MAP4K5: variants seen among roughly 807,000 people sequenced by gnomAD.
MAP4K5 encodes MAPK/ERK kinase kinase kinase 5.
MAP4K5 carries 82 observed loss-of-function variants against 135.6 expected under a neutral mutation model. The observed-to-expected ratio is 0.60, with a 90% CI of 0.51 to 0.73. The LOEUF is 0.73. Ranked by LOEUF, MAP4K5 falls within the 30% of genes least tolerant of loss-of-function variation. The probability of loss-of-function intolerance (pLI) is 0.00; values close to 1 mark genes in which losing one functional copy is unlikely to be tolerated. For synonymous variants in MAP4K5, 347 were observed against 335.0 expected (o/e 1.04, Z -0.39); for missense variants, 907 against 1,010.9 (o/e 0.90, Z 1.39).
intron 9 of MAP4K5, among the ~76,000 whole-genome samples, chr14:50,471,036 G>C (rs1350398352): frequency 6.6e-6 from 1 of 151,936 alleles, no homozygotes; most frequent in Non-Finnish European, 1.5e-5. Flanking sequence ...TTAAGTTCCA[G>C]GGTATATGTG....
At chr14:50,559,363 A>T (rs1012744878) in intron 1 of MAP4K5, 1 of 152,266 alleles carries the variant, frequency 6.6e-6, no homozygotes, top group South Asian at 2.1e-4. Context: ...TTTCCAGGTT[A>T]CTGAAAACAA....
chr14:50,465,982 G>A (rs570886905), intron 11 of MAP4K5, among the ~76,000 whole-genome samples: 3 of 152,278 alleles, frequency 2.0e-5, no homozygotes, highest in South Asian at 4.2e-4. Flanking sequence ...GCCGAGACAG[G>A]AGAATCACTC....
chr14:50,520,756 C>A (rs1486041068), intron 2 of MAP4K5, among the ~76,000 whole-genome samples: 5 of 151,388 alleles, frequency 3.3e-5, no homozygotes, highest in African/African-American at 1.2e-4. Flanking sequence ...TATGCAGCAA[C>A]CAAAAACGGG....
At chr14:50,518,510 T>C (rs1354283969) in intron 2 of MAP4K5, among the ~76,000 whole-genome samples, 1 of 152,172 alleles carries the variant, frequency 6.6e-6, no homozygotes, top group Non-Finnish European at 1.5e-5. Context: ...TCCTTAATTT[T>C]TGTGGAGCAA....
At chr14:50,516,165 T>C (rs770297775) in intron 2 of MAP4K5, among the ~76,000 whole-genome samples, 1 of 152,206 alleles carries the variant, frequency 6.6e-6, no homozygotes, top group Non-Finnish European at 1.5e-5. Flanking sequence ...TAATCCAAGC[T>C]TGTCTCCATT....
rs1417382430 is a variant in MAP4K5 at position 50,532,033 on chromosome 14, C to A, written c.17G>T (p.Arg6Leu). The A allele has an allele frequency of 1.9e-6, 3 of 1,573,922 alleles. No homozygotes were observed. The highest frequency in any genetic ancestry group is 1.7e-6 in the Non-Finnish European group (2 of 1,158,164). The change falls in exon 2 of 33, where the codon CGG (arginine) becomes CTG (leucine). Residue 6 changes from arginine to leucine, a missense_variant. Around this residue, in one of 3 missense-constraint regions of MAP4K5, gnomAD observed 196 missense variants for 189.3 expected, o/e 1.04. Transcript: ENST00000682126. MEAPLRPAADILRRNP... is the reference protein window; with the variant it reads MEAPLLPAADILRRNP... ...CCGCCTCAGGATGTCCGCGGCAGGC[C>A]GCAGCGGGGCCTCCATCTTCACTTA...
chr14:50,425,623 A>G (rs774774788), intron 31 of MAP4K5, among the ~76,000 whole-genome samples: 2 of 152,226 alleles, frequency 1.3e-5, no homozygotes, highest in Non-Finnish European at 2.9e-5. Flanking sequence ...TAAATTTAGA[A>G]AAGTTTTACA....
chr14:50,450,510 A>C lies in MAP4K5; in HGVS notation c.1016-1678T>G, dbSNP rs112079057. The C allele has an allele frequency of 3.3e-5, 5 of 152,336 alleles. 1 individual carries two copies. The highest frequency in any genetic ancestry group is 2.1e-4 in the South Asian group (1 of 4,826). 9.4% of individuals were successfully genotyped at this position (152,336 alleles called of 1,614,324 possible). A position where few individuals can be genotyped will look rare whatever the true frequency, so the allele number is the denominator to read the frequency against. ...GCCCACAGAGAAAGTAACAGTCTCAACAGGTGAACGGAACAAGGATTTGAA... is the reference window on the plus strand; with the variant it reads ...GCCCACAGAGAAAGTAACAGTCTCACCAGGTGAACGGAACAAGGATTTGAA... On this transcript the variant is annotated intron_variant, in intron 14 of 32. Coordinates refer to ENST00000682126, the MANE Select transcript of MAP4K5 (RefSeq NM_006575.6).
chr14:50,444,106 T>C (rs1381178708), intron 18 of MAP4K5, 70 bp from the exon 19 acceptor site: 3 of 1,000,282 alleles, frequency 3.0e-6, no homozygotes, highest in Non-Finnish European at 4.6e-6. Flanking sequence ...TTATTTCCCC[T>C]TTCTCCCACT....
At chr14:50,428,437 G>A (rs1438746784) in intron 30 of MAP4K5, among the ~76,000 whole-genome samples, 2 of 15,964 alleles carry the variant, frequency 1.3e-4, no homozygotes, top group Admixed American at 1.8e-3. Context: ...AGTATTTTTA[G>A]TAGAGACGGG....
intron 3 of MAP4K5, among the ~76,000 whole-genome samples, chr14:50,503,237 G>C (rs1244644764): frequency 6.6e-6 from 1 of 152,012 alleles, no homozygotes; most frequent in African/African-American, 2.4e-5. Context: ...CTGGGGCAAG[G>C]CATAAGAATA....
At chr14:50,523,776 C>T (rs1032147131) in intron 2 of MAP4K5, among the ~76,000 whole-genome samples, 4 of 152,182 alleles carry the variant, frequency 2.6e-5, no homozygotes, top group Non-Finnish European at 5.9e-5. Context: ...GCTTTGTTCA[C>T]TAGATGTATC....
In MAP4K5 at chr14:50,476,316, TAA is replaced by T. The variant is rs76595851; in HGVS notation, c.379-12_379-11del. ...GCAAATAGGCAAGACCCTAAAAGTT[TAA>T]AAAAAAAAAAAAAGAATGTATCAGC... On this transcript the variant is annotated splice_polypyrimidine_tract_variant and intron_variant, in intron 6 of 32. Transcript: ENST00000682126. 6.8e-3 allele frequency: 7,413 copies of T among 1,092,740 alleles called. No homozygotes were observed. The highest frequency in any genetic ancestry group is 0.01 in the South Asian group (462 of 45,088). The allele number at this position is 1,092,740 out of a possible 1,614,324, so 67.7% of individuals were successfully genotyped here. A position where few individuals can be genotyped will look rare whatever the true frequency, so the allele number is the denominator to read the frequency against.
chr14:50,509,306 C>G (rs2037880941), intron 2 of MAP4K5, among the ~76,000 whole-genome samples: 1 of 151,950 alleles, frequency 6.6e-6, no homozygotes, highest in Non-Finnish European at 1.5e-5. Flanking sequence ...TTTCACTGCC[C>G]CTTTTCAGAA....
At chr14:50,437,826 A>G in intron 25 of MAP4K5, 68 bp downstream of exon 25, 1 of 1,025,870 alleles carries the variant, frequency 9.7e-7, no homozygotes. Flanking sequence ...CTGGGCAAGA[A>G]ATACGGGCTA....
Position 50,532,010 on chromosome 14 carries a change from G to A in MAP4K5, c.40C>T (p.Arg14Trp), listed in dbSNP as rs2038403739. 3.1e-6 allele frequency: 5 copies of A among 1,594,606 alleles called. No individual in the cohort carries two copies. Among genetic ancestry groups the A allele is most frequent in the South Asian group, 2.3e-5 (2 of 88,378 alleles). ...AGTTCGTAGTCCTGCTGCGGGTTCC[G>A]CCTCAGGATGTCCGCGGCAGGCCGC... The part of the protein sequence containing the change: ...PLRPAADILR[R>W]NPQQDYELVQ... Residue 14 changes from arginine to tryptophan, a missense_variant, in exon 2 of 33, where the codon CGG becomes TGG. By Grantham distance (101) the Arg-to-Trp change is moderately radical. Coordinates refer to ENST00000682126, the MANE Select transcript of MAP4K5 (RefSeq NM_006575.6).
chr14:50,462,926 T>C, intron 12 of MAP4K5, 145 bp from the exon 13 acceptor site: 1 of 562,266 alleles, frequency 1.8e-6, no homozygotes, highest in Non-Finnish European at 3.1e-6. Context: ...TTAGTAAAAA[T>C]ATTAATCAGA....
intron 3 of MAP4K5, among the ~76,000 whole-genome samples, chr14:50,490,097 G>C (rs1482820859): frequency 6.8e-6 from 1 of 146,948 alleles, no homozygotes; most frequent in Non-Finnish European, 1.5e-5. Flanking sequence ...GTGAGAGAGA[G>C]AGACAGACAG....
chr14:50,468,577 A>C, intron 10 of MAP4K5, 74 bp downstream of exon 10: 1 of 1,440,318 alleles, frequency 6.9e-7, no homozygotes, highest in Non-Finnish European at 9.6e-7. Flanking sequence ...AATGAGCTTG[A>C]TGCTGAGTTA....
Sources: gnomAD v4.1 joint callset for allele counts (sites outside exome capture counted in the v4.1 genomes callset) on GRCh38, gnomAD v4.1.1 for gene constraint, gnomAD v4.1.1 regional missense constraint, MANE v1.5 for transcripts, NCBI Gene and HGNC (gene_info 2026-07-23, HGNC 2026-07-21) for gene names.